NOS1AP: variants seen among roughly 807,000 people sequenced by gnomAD.
NOS1AP encodes the protein carboxyl-terminal PDZ ligand of neuronal nitric oxide synthase protein.
A neutral mutation model predicts 56.2 loss-of-function variants in NOS1AP; 21 were observed. The ratio of observed to expected loss-of-function variants is 0.37; its 90% CI spans 0.26 to 0.54. NOS1AP has a LOEUF of 0.54. NOS1AP is among the 20% of genes least tolerant of loss of function. The pLI is 0.84. For synonymous variants in NOS1AP, 270 were observed against 274.6 expected, an observed-to-expected ratio of 0.98 and a Z score of 0.17; for missense variants, 522 against 657.8, an observed-to-expected ratio of 0.79 and a Z score of 2.26.
chr1:162,265,022 C>G (rs1245619371), intron 2 of NOS1AP, among the ~76,000 whole-genome samples: 1 of 152,060 alleles, frequency 6.6e-6, no homozygotes, highest in Non-Finnish European at 1.5e-5. Flanking sequence ...ACCATATTGA[C>G]CAGGCTGGCC....
chr1:162,268,217 T>C (rs1426859579), intron 2 of NOS1AP, among the ~76,000 whole-genome samples: 1 of 150,970 alleles, frequency 6.6e-6, no homozygotes, highest in African/African-American at 2.4e-5. Flanking sequence ...CTAGATCGTG[T>C]CATGCTAGCC....
intron 3 of NOS1AP, among the ~76,000 whole-genome samples, chr1:162,295,354 T>A (rs536875307): frequency 6.6e-5 from 10 of 152,330 alleles, no homozygotes; most frequent in Admixed American, 2.6e-4. Context: ...TTCTTTTTTT[T>A]AAAGGAAAAA....
Position 162,091,302 on chromosome 1 carries a change from T to TTC in NOS1AP, c.105+21023_105+21024dup, listed in dbSNP as rs573213528. Reference sequence around the variant, plus strand: ...CCTGTTGTTCCAGGTTCAGCGGCAGTTCTCCAGTTTACCCTATTGGCTCTT... The same window carrying TTC: ...CCTGTTGTTCCAGGTTCAGCGGCAGTTCTCTCCAGTTTACCCTATTGGCTCTT... On this transcript the variant is annotated intron_variant, in intron 1 of 9. Coordinates refer to ENST00000361897, the MANE Select transcript of NOS1AP (RefSeq NM_014697.3). 7.9e-5 allele frequency among the ~76,000 whole-genome samples: 12 copies of TTC among 152,314 alleles called. No individual in the cohort carries two copies. In the South Asian group the frequency reaches 2.5e-3, roughly 32 times the overall value.
chr1:162,122,335 A>T (rs1458623732), intron 1 of NOS1AP, among the ~76,000 whole-genome samples: 1 of 152,222 alleles, frequency 6.6e-6, no homozygotes, highest in East Asian at 1.9e-4. Flanking sequence ...TTCACACAGG[A>T]TGACTAAATC....
At chr1:162,094,700 T>A (rs1191443432) in intron 1 of NOS1AP, among the ~76,000 whole-genome samples, 1 of 152,112 alleles carries the variant, frequency 6.6e-6, no homozygotes, top group Non-Finnish European at 1.5e-5. Flanking sequence ...CTGTCTTGAG[T>A]AAGTTTGGTG....
intron 2 of NOS1AP, among the ~76,000 whole-genome samples, chr1:162,251,602 A>ATGTGTGTGTGTGTGTGTG (rs35955567): frequency 1.4e-5 from 2 of 146,192 alleles, no homozygotes; most frequent in Non-Finnish European, 3.0e-5. Flanking sequence ...AAATATATAT[A>ATGTGTGTGTGTGTGTGTG]TGTGTGTGTG....
intron 2 of NOS1AP, among the ~76,000 whole-genome samples, chr1:162,262,311 G>A (rs893777009): frequency 6.6e-6 from 1 of 152,160 alleles, no homozygotes; most frequent in Non-Finnish European, 1.5e-5. Context: ...TGTATTTTCG[G>A]TGTGATTCCA....
chr1:162,248,103 C>T (rs954232133), intron 2 of NOS1AP, among the ~76,000 whole-genome samples: 6 of 151,992 alleles, frequency 3.9e-5, no homozygotes, highest in South Asian at 2.1e-4. Context: ...GACAACACAA[C>T]GAGATCCCAC....
At chr1:162,155,767 T>C (rs573537590) in intron 2 of NOS1AP, among the ~76,000 whole-genome samples, 1 of 152,322 alleles carries the variant, frequency 6.6e-6, no homozygotes, top group African/African-American at 2.4e-5. Flanking sequence ...TAAATTACCT[T>C]GTACTTGTGC....
chr1:162,208,814 T>A (rs1367745337), intron 2 of NOS1AP, among the ~76,000 whole-genome samples: 1 of 152,238 alleles, frequency 6.6e-6, no homozygotes, highest in Non-Finnish European at 1.5e-5. Context: ...GACCGTAAAG[T>A]AGATGTCTAA....
intron 5 of NOS1AP, among the ~76,000 whole-genome samples, 167 bp from the exon 6 acceptor site, chr1:162,343,668 T>C (rs1036711792): frequency 6.6e-6 from 1 of 152,254 alleles, no homozygotes; most frequent in African/African-American, 2.4e-5. Flanking sequence ...CAGTTTCTGT[T>C]TTCTGGAGTA....
intron 2 of NOS1AP, among the ~76,000 whole-genome samples, chr1:162,266,092 T>C (rs1388869814): frequency 6.6e-6 from 1 of 152,158 alleles, no homozygotes; most frequent in African/African-American, 2.4e-5. Context: ...TTTTGTCCCA[T>C]TGGCTAGAAT....
intron 6 of NOS1AP, among the ~76,000 whole-genome samples, chr1:162,351,368 G>T (rs1657488909): frequency 1.3e-5 from 2 of 152,202 alleles, no homozygotes; most frequent in South Asian, 4.1e-4. Context: ...CATTAACTCA[G>T]GAGTATTTTT....
intron 1 of NOS1AP, among the ~76,000 whole-genome samples, chr1:162,139,102 G>A (rs1649122715): frequency 6.6e-6 from 1 of 152,064 alleles, no homozygotes. Context: ...TCTGGCTTGG[G>A]GCATGTTGTA....
chr1:162,332,964 A>C, intron 4 of NOS1AP, 53 bp from the exon 5 acceptor site: 1 of 1,254,818 alleles, frequency 8.0e-7, no homozygotes, highest in Non-Finnish European at 1.2e-6. Context: ...TCCTGGTTGG[A>C]GATTTGAACC....
chr1:162,261,382 A>C (rs1196800223), intron 2 of NOS1AP, among the ~76,000 whole-genome samples: 1 of 134,032 alleles, frequency 7.5e-6, no homozygotes. Context: ...ACTTTTAAGA[A>C]TCTTGAGATG....
At chr1:162,196,732 G>T (rs1339578342) in intron 2 of NOS1AP, among the ~76,000 whole-genome samples, 10 of 152,186 alleles carry the variant, frequency 6.6e-5, no homozygotes, top group Non-Finnish European at 1.3e-4. Context: ...AAAAAATGCA[G>T]TGCAGTATTC....
chr1:162,222,538 GT>G (rs1385111943), intron 2 of NOS1AP, among the ~76,000 whole-genome samples: 1 of 151,976 alleles, frequency 6.6e-6, no homozygotes. Context: ...ATCAAGCAGA[GT>G]TTTTTTTGTT....
At chr1:162,153,227 C>G (rs1649791708) in intron 1 of NOS1AP, among the ~76,000 whole-genome samples, 1 of 152,246 alleles carries the variant, frequency 6.6e-6, no homozygotes, top group Admixed American at 6.5e-5. Context: ...CTCCTGGGTT[C>G]AAGCAATTCT....
Sources: allele counts gnomAD v4.1 joint callset (sites outside exome capture counted in the v4.1 genomes callset), GRCh38; gene constraint gnomAD v4.1.1; transcripts MANE v1.5; gene names NCBI Gene and HGNC (gene_info 2026-07-23, HGNC 2026-07-21).